Variants in MFSD8 observed in about 807,000 individuals in gnomAD.
The protein encoded by MFSD8 is major facilitator superfamily domain-containing protein 8.
A neutral mutation model predicts 66.4 loss-of-function variants in MFSD8; 55 were observed. The observed-to-expected ratio is 0.83, with a 90% CI of 0.67 to 1.04. The LOEUF is 1.04. Ranked by LOEUF, MFSD8 falls within the 50% of genes least tolerant of loss-of-function variation. MFSD8 has a pLI of 0.00. For missense variants in MFSD8, 550 were observed against 627.6 expected (o/e 0.88, Z 1.32); for synonymous variants, 202 against 212.8 (o/e 0.95, Z 0.44).
chr4:127,957,931 CAAATA>C (rs1261502349), intron 1 of MFSD8, among the ~76,000 whole-genome samples: 1 of 152,056 alleles, frequency 6.6e-6, no homozygotes, highest in Non-Finnish European at 1.5e-5. Context: ...CAAGATAAAT[CAAATA>C]AACTAGCTAC....
chr4:127,920,522 A>C lies in MFSD8; in HGVS notation c.*108T>G, dbSNP rs1736192240. ...TATGTTCTTGTTCTTCAAAATCTGC[A>C]ATATCTGTAGTCTGATTCTTGGAGA... is the stretch of plus-strand genomic sequence containing the variant. On this transcript the variant is annotated 3_prime_UTR_variant, in exon 12 of 12. Coordinates refer to ENST00000641686, the MANE Select transcript of MFSD8 (RefSeq NM_001371596.2). The C allele has an allele frequency of 5.7e-6, 6 of 1,054,428 alleles. No homozygotes were observed. In the Admixed American group the frequency reaches 6.8e-5, roughly 12 times the overall value. 65.3% of individuals were successfully genotyped at this position (1,054,428 alleles called of 1,614,324 possible). A position where few individuals can be genotyped will look rare whatever the true frequency, so the allele number is the denominator to read the frequency against.
intron 1 of MFSD8, 80 bp downstream of exon 1, chr4:127,964,992 C>T: frequency 6.5e-7 from 1 of 1,533,296 alleles, no homozygotes; most frequent in Non-Finnish European, 8.9e-7. Flanking sequence ...AGGGTTTGTC[C>T]CAGTGCGGGT....
intron 1 of MFSD8, among the ~76,000 whole-genome samples, chr4:127,959,385 G>T (rs1743378844): frequency 6.6e-6 from 1 of 151,844 alleles, no homozygotes; most frequent in Non-Finnish European, 1.5e-5. Flanking sequence ...TATGGCTCCT[G>T]GTTTTTTTTA....
Position 127,940,536 on chromosome 4 carries a change from ATATG to A in MFSD8, c.554-543_554-540del, listed in dbSNP as rs1319586330. Among the ~76,000 whole-genome samples the A allele has an allele frequency of 7.4e-3, 1,070 of 144,712 alleles. 12 individuals carry two copies. Among genetic ancestry groups the A allele is most frequent in the African/African-American group, 0.026 (996 of 38,770 alleles). 94.9% of individuals were successfully genotyped at this position (144,712 alleles called of 152,430 possible). A position where few individuals can be genotyped will look rare whatever the true frequency, so the allele number is the denominator to read the frequency against. On this transcript the variant is annotated intron_variant, in intron 5 of 11. Transcript: ENST00000641686. ...ATATGGTATATATATATATATATAT[ATATG>A]TGTGTGTGTGTATATATTTATTATC...
At chr4:127,965,635 G>T, upstream of MFSD8, 1 of 207,526 alleles carries the variant, frequency 4.8e-6, no homozygotes, top group South Asian at 6.5e-5. Context: ...TAAGTAGTAG[G>T]TGCGCTAAGA....
At chr4:127,954,864 T>C (rs1465241469) in intron 2 of MFSD8, among the ~76,000 whole-genome samples, 1 of 152,086 alleles carries the variant, frequency 6.6e-6, no homozygotes, top group African/African-American at 2.4e-5. Context: ...GATATACAAA[T>C]GGACAGAAAG....
intron 1 of MFSD8, among the ~76,000 whole-genome samples, chr4:127,961,676 CGTG>C (rs1314780486): frequency 2.6e-5 from 4 of 151,916 alleles, no homozygotes; most frequent in Non-Finnish European, 5.9e-5. Context: ...ATTAGCCCGG[CGTG>C]GTGACGGGCG....
In MFSD8 at chr4:127,942,085, G is replaced by T. The variant is rs1740284574; in HGVS notation, c.513C>A (p.Asn171Lys). 6.2e-7 allele frequency: 1 copy of T among 1,613,996 alleles called. No individual in the cohort carries two copies. The highest frequency in any genetic ancestry group is 8.5e-7 in the Non-Finnish European group (1 of 1,179,932). Residue 171 changes from asparagine to lysine, a missense_variant, in exon 5 of 12, where the codon AAC becomes AAA. Coordinates refer to ENST00000641686, the MANE Select transcript of MFSD8 (RefSeq NM_001371596.2). The stretch of plus-strand genomic sequence containing the variant: ...AACCTAATGCTTGACACATGCTTAT[G>T]TTTGCCATGGAACTTGTTCTTTCCT... ...SLQERTSSMA[N>K]ISMCQALGFI...
chr4:127,949,457 T>C (rs1267988723), intron 3 of MFSD8, among the ~76,000 whole-genome samples: 2 of 152,238 alleles, frequency 1.3e-5, no homozygotes, highest in Non-Finnish European at 2.9e-5. Context: ...TTACACACTT[T>C]AGGAATTCAG....
chr4:127,940,023 T>C (rs757019277), intron 5 of MFSD8, 26 bp from the exon 6 acceptor site: 41 of 1,587,918 alleles, frequency 2.6e-5, no homozygotes, highest in Non-Finnish European at 3.5e-5. Context: ...TTTTCACAGA[T>C]GAATTATTAT....
At chr4:127,936,227 C>G (rs1739060722) in intron 7 of MFSD8, among the ~76,000 whole-genome samples, 1 of 152,052 alleles carries the variant, frequency 6.6e-6, no homozygotes, top group Non-Finnish European at 1.5e-5. Flanking sequence ...GATTCTCCTG[C>G]CTCAGCCTCA....
At chr4:127,945,083 T>C (rs531871058) in intron 3 of MFSD8, among the ~76,000 whole-genome samples, 2 of 152,206 alleles carry the variant, frequency 1.3e-5, no homozygotes, top group South Asian at 4.1e-4. Context: ...AGTAGAAGGA[T>C]CCCTTGAGCC....
chr4:127,933,470 C>T (rs1400240077), intron 7 of MFSD8: 1 of 176,956 alleles, frequency 5.7e-6, no homozygotes, highest in African/African-American at 2.4e-5. Context: ...GCTTGAACTC[C>T]TGAGCTCAAC....
chr4:127,939,606 A>C (rs1578887490), intron 6 of MFSD8: 5 of 14,176 alleles, frequency 3.5e-4, no homozygotes, highest in East Asian at 3.9e-3. Context: ...TCTTGTCTCA[A>C]AAAAAAAAAA....
intron 2 of MFSD8, among the ~76,000 whole-genome samples, chr4:127,955,063 C>G (rs2148963282): frequency 6.6e-6 from 1 of 152,204 alleles, no homozygotes; most frequent in South Asian, 2.1e-4. Flanking sequence ...AACAGTATGG[C>G]AATTTTCCAA....
intron 11 of MFSD8, 56 bp downstream of exon 11, chr4:127,921,468 G>A: frequency 6.2e-7 from 1 of 1,612,002 alleles, no homozygotes; most frequent in Non-Finnish European, 8.5e-7. Context: ...AGCAAAAAAT[G>A]TTGAGTGCTT....
chr4:127,956,509 A>AT (rs1336664372), intron 2 of MFSD8, among the ~76,000 whole-genome samples: 1 of 150,820 alleles, frequency 6.6e-6, no homozygotes, highest in Non-Finnish European at 1.5e-5. Flanking sequence ...TGAAAAAAAA[A>AT]AAAAAAGAAA....
intron 9 of MFSD8, among the ~76,000 whole-genome samples, chr4:127,927,334 C>T (rs1015464101): frequency 1.3e-5 from 2 of 152,138 alleles, no homozygotes; most frequent in Admixed American, 1.3e-4. Context: ...GGCCACCACA[C>T]CCAGCTAATT....
At chr4:127,931,184 G>A (rs1040605001) in intron 8 of MFSD8, among the ~76,000 whole-genome samples, 2 of 152,028 alleles carry the variant, frequency 1.3e-5, no homozygotes, top group Non-Finnish European at 2.9e-5. Context: ...CTCTTTCAAT[G>A]CAATAATGTT....
Sources: allele counts gnomAD v4.1 joint callset (sites outside exome capture counted in the v4.1 genomes callset), GRCh38; gene constraint gnomAD v4.1.1; transcripts MANE v1.5; gene names NCBI Gene and HGNC (gene_info 2026-07-23, HGNC 2026-07-21).